Variants in DHRSX observed in about 807,000 individuals in gnomAD.
DHRSX encodes the protein dehydrogenase/reductase X-linked, also known as polyprenol dehydrogenase.
A neutral mutation model predicts 34.0 loss-of-function variants in DHRSX; 31 were observed. The ratio of observed to expected loss-of-function variants is 0.91; its 90% CI spans 0.69 to 1.23. The LOEUF (loss-of-function observed/expected upper bound fraction) is 1.23. Ranked by LOEUF, DHRSX falls within the 50% of genes most tolerant of loss-of-function variation. The probability of loss-of-function intolerance (pLI) is 0.00; values close to 1 mark genes in which losing one functional copy is unlikely to be tolerated. For synonymous variants in DHRSX, 201 were observed against 183.8 expected (o/e 1.09, Z -0.76); for missense variants, 414 against 428.1 (o/e 0.97, Z 0.29).
intron 1 of DHRSX, among the ~76,000 whole-genome samples, chrX:2,451,345 T>G (rs1029731011): frequency 6.6e-6 from 1 of 152,040 alleles, no homozygotes; most frequent in African/African-American, 2.4e-5. Context: ...CTTCAAAGGT[T>G]TCTTTCCTGT....
At chrX:2,485,771 GGAAGGGAGAAAAGGGAGA>G (rs757591795) in intron 1 of DHRSX, among the ~76,000 whole-genome samples, 7,824 of 39,260 alleles carry the variant, frequency 0.2, 781 homozygotes, top group African/African-American at 0.29. Flanking sequence ...AGAGAAGGAA[GGAAGGGAGAAAAGGGAGA>G]GAAGGGAGAG....
chrX:2,449,252 AC>A (rs2044183666), intron 1 of DHRSX, among the ~76,000 whole-genome samples: 1 of 151,860 alleles, frequency 6.6e-6, no homozygotes, highest in South Asian at 2.1e-4. Context: ...TCAAATGATC[AC>A]ACGAGGTCAT....
chrX:2,298,141 T>C (rs921396143), intron 3 of DHRSX, among the ~76,000 whole-genome samples: 5 of 151,490 alleles, frequency 3.3e-5, no homozygotes, highest in African/African-American at 9.7e-5. Context: ...GAGACTGGAG[T>C]GATACAGCCA....
At position 2,220,816 on chromosome X, in the gene DHRSX, T is replaced by C; in HGVS notation, c.*225A>G. 2.1e-6 allele frequency: 1 copy of C among 486,468 alleles called. No homozygotes were observed. Among genetic ancestry groups the C allele is most frequent in the Non-Finnish European group, 3.7e-6 (1 of 273,490 alleles). 30.1% of individuals were successfully genotyped at this position (486,468 alleles called of 1,614,324 possible). A position where few individuals can be genotyped will look rare whatever the true frequency, so the allele number is the denominator to read the frequency against. On this transcript the variant is annotated 3_prime_UTR_variant, in exon 7 of 7. Transcript: ENST00000334651. ...CCTGTGACAACTGGGCACTTTGGAA[T>C]CACAAAGTTTATGGTTGAAGACCAC...
chrX:2,260,739 G>A (rs1167022402), intron 5 of DHRSX, among the ~76,000 whole-genome samples: 2 of 152,092 alleles, frequency 1.3e-5, no homozygotes, highest in Non-Finnish European at 2.9e-5. Flanking sequence ...GGGATGACAG[G>A]CATGAGCCAG....
chrX:2,289,366 C>A (rs1275559312), intron 4 of DHRSX, among the ~76,000 whole-genome samples: 1 of 152,170 alleles, frequency 6.6e-6, no homozygotes, highest in Non-Finnish European at 1.5e-5. Context: ...GATCCACTCA[C>A]CTCAGCCTCC....
intron 1 of DHRSX, among the ~76,000 whole-genome samples, chrX:2,496,863 T>A (rs1361669108): frequency 6.7e-6 from 1 of 148,882 alleles, no homozygotes; most frequent in Non-Finnish European, 1.5e-5. Flanking sequence ...TATAGAAAAG[T>A]ATAAATTATT....
In DHRSX at chrX:2,410,785, T is replaced by G. The variant is rs752346964; in HGVS notation, c.218-1972A>C. ...AAGTTGGAAATGTTTTTGGCTCCAG[T>G]GGGAGACGGCTAAGATAAATAGTGC... is the stretch of plus-strand genomic sequence containing the variant. On this transcript the variant is annotated intron_variant, in intron 2 of 6. Transcript: ENST00000334651. Among the ~76,000 whole-genome samples the G allele has an allele frequency of 2.1e-4, 32 of 152,322 alleles. 2 individuals carry two copies. In the South Asian group the frequency reaches 4.6e-3, roughly 22 times the overall value.
rs534887042 is a variant in DHRSX, at chrX:2,276,363, G to A, written c.389-9416C>T. 3.6e-4 allele frequency among the ~76,000 whole-genome samples: 55 copies of A among 152,222 alleles called. No homozygotes were observed. In the South Asian group the frequency reaches 5.8e-3, roughly 16 times the overall value. Reference sequence around the variant, plus strand: ...GAGCATTCACGGAATCTGTCTCTTCGCCAATTCAAAGGTGGAGAATACACA... The same window carrying A: ...GAGCATTCACGGAATCTGTCTCTTCACCAATTCAAAGGTGGAGAATACACA... On this transcript the variant is annotated intron_variant, in intron 4 of 6. Coordinates refer to ENST00000334651, the MANE Select transcript of DHRSX (RefSeq NM_145177.3).
At chrX:2,405,022 T>C (rs1022131101) in intron 3 of DHRSX, among the ~76,000 whole-genome samples, 1 of 152,202 alleles carries the variant, frequency 6.6e-6, no homozygotes, top group Non-Finnish European at 1.5e-5. Context: ...AGTGTGTTCC[T>C]GAAAATCACA....
At chrX:2,336,020 T>C (rs1255962976) in intron 3 of DHRSX, among the ~76,000 whole-genome samples, 3 of 151,972 alleles carry the variant, frequency 2.0e-5, no homozygotes, top group Non-Finnish European at 4.4e-5. Flanking sequence ...TTTGTTTTTT[T>C]GTTGTCGTTG....
At chrX:2,319,450 G>A (rs2042280504) in intron 3 of DHRSX, among the ~76,000 whole-genome samples, 1 of 148,222 alleles carries the variant, frequency 6.7e-6, no homozygotes, top group Non-Finnish European at 1.5e-5. Context: ...GGCTGAGGCA[G>A]AAGAAGTGCT....
At chrX:2,398,722 T>G (rs1372943066) in intron 3 of DHRSX, among the ~76,000 whole-genome samples, 2 of 147,298 alleles carry the variant, frequency 1.4e-5, no homozygotes, top group Non-Finnish European at 3.0e-5. Flanking sequence ...TAGGCTGAAG[T>G]GCAGTGGTGC....
At chrX:2,399,660 C>T (rs947628528) in intron 3 of DHRSX, among the ~76,000 whole-genome samples, 6 of 148,940 alleles carry the variant, frequency 4.0e-5, no homozygotes, top group Non-Finnish European at 5.9e-5. Flanking sequence ...GAGCCAAGAT[C>T]GCACCACTGC....
chrX:2,353,670 G>A (rs1300411731), intron 3 of DHRSX, among the ~76,000 whole-genome samples: 1 of 147,616 alleles, frequency 6.8e-6, no homozygotes, highest in African/African-American at 2.5e-5. Context: ...CTCAATCTCC[G>A]CCTCCCGGGT....
At chrX:2,320,343 G>A (rs2042294097) in intron 3 of DHRSX, among the ~76,000 whole-genome samples, 1 of 142,574 alleles carries the variant, frequency 7.0e-6, no homozygotes, top group South Asian at 2.3e-4. Context: ...CACCCAGGCT[G>A]GACTGCAGTG....
intron 6 of DHRSX, among the ~76,000 whole-genome samples, chrX:2,224,415 C>A (rs1198540299): frequency 6.6e-6 from 1 of 152,124 alleles, no homozygotes; most frequent in Non-Finnish European, 1.5e-5. Context: ...AGTTCTTGGG[C>A]TATGCATATT....
chrX:2,445,586 C>T (rs906230796), intron 1 of DHRSX, among the ~76,000 whole-genome samples: 3 of 151,848 alleles, frequency 2.0e-5, no homozygotes, highest in Non-Finnish European at 4.4e-5. Context: ...CCTAAGAATG[C>T]GGCCAAGGGA....
chrX:2,319,182 G>A (rs1233249849), intron 3 of DHRSX, among the ~76,000 whole-genome samples: 2 of 151,466 alleles, frequency 1.3e-5, no homozygotes, highest in Non-Finnish European at 2.9e-5. Flanking sequence ...ACTTTCACCC[G>A]AGATGACTCC....
Sources: allele counts gnomAD v4.1 joint callset (sites outside exome capture counted in the v4.1 genomes callset), GRCh38; gene constraint gnomAD v4.1.1; transcripts MANE v1.5; gene names NCBI Gene and HGNC (gene_info 2026-07-23, HGNC 2026-07-21).